The following SUN2 variants were observed in gnomAD, a reference collection of about 807,000 sequenced individuals.
SUN2 encodes Sad1 and UNC84 domain containing 2, also known as SUN domain-containing protein 2.
SUN2 carries 60 observed loss-of-function variants against 100.0 expected under a neutral mutation model. That is an observed-to-expected ratio of 0.60 (90% CI 0.49 to 0.74). The LOEUF is 0.74. SUN2 is among the 30% of genes least tolerant of loss of function. SUN2 has a pLI of 0.00. For missense variants in SUN2, 834 were observed against 954.6 expected, an observed-to-expected ratio of 0.87 and a Z score of 1.66; for synonymous variants, 367 against 403.3, an observed-to-expected ratio of 0.91 and a Z score of 1.08.
At chr22:38,752,804 T>C (rs2092957297) in intron 1 of SUN2, 139 bp from the exon 2 acceptor site, 2 of 935,234 alleles carry the variant, frequency 2.1e-6, no homozygotes, top group South Asian at 1.7e-5. Context: ...GCGTTCAGTC[T>C]AAACAGCCCT....
chr22:38,734,885 C>T lies in SUN2; in HGVS notation c.*1382G>A, dbSNP rs2092788339. The T allele has an allele frequency of 4.9e-6, 1 of 205,646 alleles. No homozygotes were observed. 12.7% of individuals were successfully genotyped at this position (205,646 alleles called of 1,614,324 possible). On this transcript the variant is annotated 3_prime_UTR_variant, in exon 18 of 18. Coordinates refer to ENST00000689035, the MANE Select transcript of SUN2 (RefSeq NM_015374.3). Reference sequence around the variant, plus strand: ...CGGGGCGGCCTCACCACCACTGCATCCAGCCTCATGCTCCAGAGCGGATTT... The same window carrying T: ...CGGGGCGGCCTCACCACCACTGCATTCAGCCTCATGCTCCAGAGCGGATTT...
chr22:38,744,998 A>T (rs2092891308), intron 8 of SUN2: 1 of 469,400 alleles, frequency 2.1e-6, no homozygotes. Flanking sequence ...TCTCTTGCTG[A>T]GAGGTGAAGT....
Position 38,740,345 on chromosome 22 carries a change from C to T in SUN2, c.1278G>A (p.Ala426=), listed in dbSNP as rs779567211. The T allele has an allele frequency of 1.4e-5, 23 of 1,588,630 alleles. No individual in the cohort carries two copies. The highest frequency in any genetic ancestry group is 4.6e-5 in the South Asian group (4 of 87,540). ...DQLAGLQQEL[A]ALALKQSSVA... ...CCGAGCTCTGCTTCAGTGCCAGAGCCGCCAGCTCCTGCTGCAGGCCGGCCA... is the reference window on the plus strand; with the variant it reads ...CCGAGCTCTGCTTCAGTGCCAGAGCTGCCAGCTCCTGCTGCAGGCCGGCCA... Residue 426 remains alanine, a synonymous_variant, in exon 12 of 18, where the codon GCG becomes GCA. Transcript: ENST00000689035. This position sits in a 1 kb window ranked among gnomAD's most constrained non-coding sequence, Gnocchi z 4.8.
intron 1 of SUN2, chr22:38,754,828 G>GC: frequency 7.8e-7 from 1 of 1,285,540 alleles, no homozygotes; most frequent in East Asian, 5.6e-5. Flanking sequence ...ACCCGCCTCC[G>GC]CCCTCCCAGA....
At position 38,740,075 on chromosome 22, in the gene SUN2, C is replaced by T. The variant is rs991792495; in HGVS notation, c.1357-132G>A. On this transcript the variant is annotated intron_variant, in intron 12 of 17. Coordinates refer to ENST00000689035, the MANE Select transcript of SUN2 (RefSeq NM_015374.3). This position sits in a 1 kb window ranked among gnomAD's most constrained non-coding sequence, Gnocchi z 4.8. ...GGCCACTGGAGGAAAGAGTTATGAA[C>T]ACTCCATGGGCACTAACAAAAACAG... The T allele has an allele frequency of 8.0e-7, 1 of 1,244,116 alleles. No individual in the cohort carries two copies. The highest frequency in any genetic ancestry group is 1.1e-6 in the Non-Finnish European group (1 of 905,190). 77.1% of individuals were successfully genotyped at this position (1,244,116 alleles called of 1,614,324 possible).
At chr22:38,750,859 A>G (rs1310056410) in intron 4 of SUN2, 39 bp downstream of exon 4, 1 of 1,608,336 alleles carries the variant, frequency 6.2e-7, no homozygotes, top group Non-Finnish European at 8.5e-7. Context: ...GCCTCCCAGC[A>G]GCCTCGGATC....
rs2092801587 is a variant in SUN2, at chr22:38,736,017, A to G, written c.*250T>C. 1 of 520,300 alleles carries G rather than the reference A, an allele frequency of 1.9e-6. No individual in the cohort carries two copies. 32.2% of individuals were successfully genotyped at this position (520,300 alleles called of 1,614,324 possible). A position where few individuals can be genotyped will look rare whatever the true frequency, so the allele number is the denominator to read the frequency against. ...GTCCCCCATGATATGCTACATATAT[A>G]CACACTCCCAGGATGGGAAGCAGAC... On this transcript the variant is annotated 3_prime_UTR_variant, in exon 18 of 18. Transcript: ENST00000689035.
At chr22:38,753,701 T>C (rs56211239) in intron 1 of SUN2, among the ~76,000 whole-genome samples, 10,209 of 152,042 alleles carry the variant, frequency 0.067, 1,186 homozygotes, top group African/African-American at 0.24. Context: ...CTTGTATACC[T>C]CATTTATATT....
At chr22:38,750,491 C>T (rs1314583204) in intron 4 of SUN2, 171 bp from the exon 5 acceptor site, 2 of 1,363,960 alleles carry the variant, frequency 1.5e-6, no homozygotes, top group Non-Finnish European at 2.0e-6. Context: ...CATTCTGTTT[C>T]TTCTGACAGC....
chr22:38,755,994 C>T lies in SUN2; in HGVS notation c.-269G>A, dbSNP rs1414782999. 6.6e-5 allele frequency: 65 copies of T among 984,598 alleles called. No individual in the cohort carries two copies. The highest frequency in any genetic ancestry group is 1.2e-4 in the Admixed American group (2 of 16,214). The allele number at this position is 984,598 out of a possible 1,614,324, so 61.0% of individuals were successfully genotyped here. On this transcript the variant is annotated 5_prime_UTR_variant, in exon 1 of 18. Transcript: ENST00000689035. This position sits in a 1 kb window ranked among gnomAD's most constrained non-coding sequence, Gnocchi z 5.7. ...TGCGCGAGTGGGGCCGGGCGGCGCG[C>T]GTGTGGCCGACTCTGTATGTGTGCG...
chr22:38,749,049 A>G, intron 6 of SUN2: 1 of 441,998 alleles, frequency 2.3e-6, no homozygotes, highest in Non-Finnish European at 4.1e-6. Flanking sequence ...AAACTCAAAA[A>G]TTTTTATATG....
chr22:38,742,254 C>T (rs1379853494), intron 9 of SUN2, 47 bp downstream of exon 9: 1 of 1,544,594 alleles, frequency 6.5e-7, no homozygotes, highest in Non-Finnish European at 8.8e-7. Context: ...TTCACGCTTT[C>T]CTATGGGTGT....
In SUN2 at chr22:38,736,051, C is replaced by T; in HGVS notation, c.*216G>A. ...CAGGATGGGAAGCAGACGCCACGGGCACAGAGGGAAGGAAGAAGGGAGCTG... is the reference window on the plus strand; with the variant it reads ...CAGGATGGGAAGCAGACGCCACGGGTACAGAGGGAAGGAAGAAGGGAGCTG... On this transcript the variant is annotated 3_prime_UTR_variant, in exon 18 of 18. Transcript: ENST00000689035. 1 of 609,858 alleles carries T rather than the reference C, an allele frequency of 1.6e-6. No individual in the cohort carries two copies. The highest frequency in any genetic ancestry group is 3.0e-6 in the Non-Finnish European group (1 of 330,554). 37.8% of individuals were successfully genotyped at this position (609,858 alleles called of 1,614,324 possible). A position where few individuals can be genotyped will look rare whatever the true frequency, so the allele number is the denominator to read the frequency against.
chr22:38,742,163 A>G (rs1371760795), intron 9 of SUN2, 138 bp downstream of exon 9: 1 of 1,158,292 alleles, frequency 8.6e-7, no homozygotes, highest in Non-Finnish European at 1.2e-6. Flanking sequence ...AAAAAAAAGA[A>G]AAAAAGAGAA....
In SUN2 at chr22:38,755,381, G is replaced by C. The variant is rs2092977776; in HGVS notation, c.-38+382C>G. On this transcript the variant is annotated intron_variant, in intron 1 of 17. Coordinates refer to ENST00000689035, the MANE Select transcript of SUN2 (RefSeq NM_015374.3). This position sits in a 1 kb window ranked among gnomAD's most constrained non-coding sequence, Gnocchi z 5.7. The stretch of plus-strand genomic sequence containing the variant: ...AACTGAACAAAACGGGCCTTCCTCT[G>C]AGGCCCTGAGTTCTGACAGGCAGAG... 2 of 1,012,932 alleles carry C rather than the reference G, an allele frequency of 2.0e-6. No homozygotes were observed. Among genetic ancestry groups the C allele is most frequent in the Non-Finnish European group, 2.4e-6 (2 of 844,140 alleles). 62.7% of individuals were successfully genotyped at this position (1,012,932 alleles called of 1,614,324 possible). A position where few individuals can be genotyped will look rare whatever the true frequency, so the allele number is the denominator to read the frequency against.
In SUN2 at chr22:38,737,703, T is replaced by C; in HGVS notation, c.2040+470A>G. The C allele has an allele frequency of 2.8e-6, 1 of 358,522 alleles. No homozygotes were observed. Among genetic ancestry groups the C allele is most frequent in the South Asian group, 2.1e-5 (1 of 48,108 alleles). 22.2% of individuals were successfully genotyped at this position (358,522 alleles called of 1,614,324 possible). ...TGTTCAAATGCAGGCTCCTGGGTCC[T>C]GTCAGCCCTAAGGAACCAGACTCTC... On this transcript the variant is annotated intron_variant, in intron 17 of 17. Coordinates refer to ENST00000689035, the MANE Select transcript of SUN2 (RefSeq NM_015374.3). The surrounding 1 kb of genome is among the most constrained non-coding windows in gnomAD (Gnocchi z 4.1).
At chr22:38,741,126 G>A in intron 10 of SUN2, 76 bp from the exon 11 acceptor site, 1 of 1,503,264 alleles carries the variant, frequency 6.7e-7, no homozygotes, top group South Asian at 1.2e-5. Flanking sequence ...TCTGCTGTCT[G>A]TTAGCGTCTT....
intron 1 of SUN2, among the ~76,000 whole-genome samples, chr22:38,753,507 C>G (rs927042965): frequency 3.3e-5 from 5 of 152,128 alleles, no homozygotes; most frequent in Non-Finnish European, 7.4e-5. Context: ...TGAGCCACCA[C>G]GCTCAGCCAA....
Position 38,752,562 on chromosome 22 carries a change from CGCT to C in SUN2, c.64_66del (p.Ser22del), listed in dbSNP as rs781129819. On this transcript the variant is annotated inframe_deletion, in exon 2 of 18. Coordinates refer to ENST00000689035, the MANE Select transcript of SUN2 (RefSeq NM_015374.3). ...TGACTCCCAGCCACCGAGCTCCCTC[CGCT>C]GCTGCTGCTGCCGTCATCGTCACCC... is the stretch of plus-strand genomic sequence containing the variant. The C allele has an allele frequency of 1.2e-5, 20 of 1,613,848 alleles. No homozygotes were observed. The Admixed American group carries it at 3.3e-4, about 27-fold the overall frequency.
Sources: allele counts gnomAD v4.1 joint callset (sites outside exome capture counted in the v4.1 genomes callset), GRCh38; gene constraint gnomAD v4.1.1; non-coding constraint Gnocchi (gnomAD v3.1); transcripts MANE v1.5; gene names NCBI Gene and HGNC (gene_info 2026-07-23, HGNC 2026-07-21).